ITFG1: variants seen among roughly 807,000 people sequenced by gnomAD.
ITFG1 encodes the protein T-cell immunomodulatory protein.
In ITFG1, 34 loss-of-function variants were observed where a neutral mutation model predicts 81.8. The ratio of observed to expected loss-of-function variants is 0.42; its 90% CI spans 0.32 to 0.55. ITFG1 has a LOEUF of 0.55. Among genes scored for constraint, ITFG1 ranks in the 20% least tolerant of loss-of-function variants. ITFG1 has a pLI of 0.17. For synonymous variants in ITFG1, 285 were observed against 270.6 expected, an observed-to-expected ratio of 1.05 and a Z score of -0.52; for missense variants, 672 against 755.4, an observed-to-expected ratio of 0.89 and a Z score of 1.29.
chr16:47,458,563 G>A (rs1969481937), intron 2 of ITFG1, among the ~76,000 whole-genome samples: 1 of 151,970 alleles, frequency 6.6e-6, no homozygotes, highest in South Asian at 2.1e-4. Flanking sequence ...GTGTGGGAGT[G>A]GTCATTGTTT....
intron 14 of ITFG1, among the ~76,000 whole-genome samples, chr16:47,167,420 T>C (rs1308413006): frequency 2.6e-5 from 4 of 152,142 alleles, no homozygotes; most frequent in Non-Finnish European, 5.9e-5. Context: ...TGGCCGGTCC[T>C]TGCCTTAACT....
chr16:47,412,629 A>C lies in ITFG1; in HGVS notation c.655+16175T>G, dbSNP rs1355007280. On this transcript the variant is annotated intron_variant, in intron 6 of 17. Transcript: ENST00000320640. Reference sequence around the variant, plus strand: ...GAATCACTTGAACCCAAGGAGGTGGAGGTTGCAGTGAGCCAAGATTTGCGC... The same window carrying C: ...GAATCACTTGAACCCAAGGAGGTGGCGGTTGCAGTGAGCCAAGATTTGCGC... Among the ~76,000 whole-genome samples the C allele has an allele frequency of 2.0e-5, 3 of 149,506 alleles. No homozygotes were observed. In the Admixed American group the frequency reaches 2.0e-4, roughly 10 times the overall value.
intron 2 of ITFG1, among the ~76,000 whole-genome samples, chr16:47,454,840 C>T (rs1346744769): frequency 1.3e-5 from 2 of 151,930 alleles, no homozygotes; most frequent in African/African-American, 2.4e-5. Flanking sequence ...ATTATCTGAG[C>T]GACCCAAGCA....
chr16:47,406,535 T>C (rs947137622), intron 6 of ITFG1, among the ~76,000 whole-genome samples: 2 of 152,152 alleles, frequency 1.3e-5, no homozygotes, highest in African/African-American at 4.8e-5. Flanking sequence ...GGTTCTCTTT[T>C]CTCCCCCAAA....
At chr16:47,172,938 T>C (rs1394768798) in intron 14 of ITFG1, among the ~76,000 whole-genome samples, 1 of 152,224 alleles carries the variant, frequency 6.6e-6, no homozygotes, top group Non-Finnish European at 1.5e-5. Flanking sequence ...TAACTGTGTC[T>C]TCATTTTCTA....
At position 47,460,806 on chromosome 16, in the gene ITFG1, G is replaced by C. The variant is rs563951028; in HGVS notation, c.208+32C>G. 19 of 1,607,638 alleles carry C rather than the reference G, an allele frequency of 1.2e-5. No individual in the cohort carries two copies. The Admixed American group carries it at 3.2e-4, about 27-fold the overall frequency. On this transcript the variant is annotated intron_variant, in intron 1 of 17. Transcript: ENST00000320640. ...GAACACCGGGAGAGGCACACGGACA[G>C]CGAACAGAGGGAGGGCCCGGCAAGC...
At chr16:47,335,657 G>T (rs1967694900) in intron 8 of ITFG1, among the ~76,000 whole-genome samples, 1 of 152,096 alleles carries the variant, frequency 6.6e-6, no homozygotes, top group Non-Finnish European at 1.5e-5. Flanking sequence ...TAAGGGAAAT[G>T]CAAATAAATG....
intron 14 of ITFG1, among the ~76,000 whole-genome samples, chr16:47,195,476 T>C (rs1173448888): frequency 4.6e-5 from 7 of 152,216 alleles, no homozygotes; most frequent in African/African-American, 7.2e-5. Context: ...ACACTGCTAC[T>C]ATTATTACTT....
At chr16:47,181,173 C>T (rs532511413) in intron 14 of ITFG1, among the ~76,000 whole-genome samples, 167 of 150,720 alleles carry the variant, frequency 1.1e-3, no homozygotes, top group African/African-American at 3.8e-3. Flanking sequence ...ATGTGAGGAG[C>T]GCCTCTGCCC....
At chr16:47,259,627 T>C (rs1211667525) in intron 11 of ITFG1, among the ~76,000 whole-genome samples, 1 of 152,216 alleles carries the variant, frequency 6.6e-6, no homozygotes, top group Non-Finnish European at 1.5e-5. Context: ...GGGACATAAA[T>C]GTCCTATTGG....
intron 12 of ITFG1, among the ~76,000 whole-genome samples, chr16:47,257,713 A>C (rs572943093): frequency 2.0e-5 from 3 of 152,362 alleles, no homozygotes; most frequent in African/African-American, 7.2e-5. Flanking sequence ...TTGTATGTAC[A>C]TATGTGAATC....
chr16:47,412,290 T>C (rs374389194), intron 6 of ITFG1, among the ~76,000 whole-genome samples: 1 of 152,058 alleles, frequency 6.6e-6, no homozygotes, highest in Non-Finnish European at 1.5e-5. Context: ...AGTCATAGAA[T>C]TCAGAATCTG....
intron 6 of ITFG1, among the ~76,000 whole-genome samples, chr16:47,407,189 C>T (rs1323323053): frequency 6.6e-6 from 1 of 152,190 alleles, no homozygotes; most frequent in East Asian, 1.9e-4. Flanking sequence ...AAACCAGTAA[C>T]TGAAACAATC....
At chr16:47,226,251 C>T (rs1348088537) in intron 13 of ITFG1, among the ~76,000 whole-genome samples, 1 of 152,086 alleles carries the variant, frequency 6.6e-6, no homozygotes, top group Non-Finnish European at 1.5e-5. Context: ...GTTTTGTCAC[C>T]CAGGCTGGAG....
intron 10 of ITFG1, among the ~76,000 whole-genome samples, chr16:47,269,648 T>C (rs1043154634): frequency 2.6e-5 from 4 of 152,116 alleles, no homozygotes; most frequent in Non-Finnish European, 5.9e-5. Flanking sequence ...AAAAGCTATA[T>C]ATGCACTACA....
At chr16:47,361,792 A>G (rs777213878) in intron 8 of ITFG1, among the ~76,000 whole-genome samples, 2 of 152,168 alleles carry the variant, frequency 1.3e-5, no homozygotes, top group Non-Finnish European at 2.9e-5. Flanking sequence ...CTTTTGCATT[A>G]TATTTTAGTA....
At chr16:47,414,351 C>G (rs1234627110) in intron 6 of ITFG1, among the ~76,000 whole-genome samples, 3 of 151,736 alleles carry the variant, frequency 2.0e-5, no homozygotes, top group African/African-American at 7.3e-5. Context: ...GGGTGAAACC[C>G]TGTATCTACT....
chr16:47,258,794 A>C, intron 11 of ITFG1, 54 bp from the exon 12 acceptor site: 1 of 724,194 alleles, frequency 1.4e-6, no homozygotes, highest in Non-Finnish European at 2.2e-6. Flanking sequence ...CAACTAAAAA[A>C]AAAATGACCA....
intron 5 of ITFG1, among the ~76,000 whole-genome samples, chr16:47,437,351 CCGG>C (rs1450105960): frequency 1.3e-5 from 2 of 151,796 alleles, no homozygotes; most frequent in African/African-American, 4.8e-5. Context: ...ATCCATAGTC[CCGG>C]CTACTCAGGA....
Sources: allele counts gnomAD v4.1 joint callset (sites outside exome capture counted in the v4.1 genomes callset), GRCh38; gene constraint gnomAD v4.1.1; transcripts MANE v1.5; gene names NCBI Gene and HGNC (gene_info 2026-07-23, HGNC 2026-07-21).